The following DOCK10 variants were observed in gnomAD, a reference collection of about 807,000 sequenced individuals.
DOCK10 encodes the protein dedicator of cytokinesis protein 10.
Under a neutral mutation model 280.1 loss-of-function variants are expected in DOCK10, and 145 were observed. The ratio of observed to expected loss-of-function variants is 0.52; its 90% CI spans 0.45 to 0.59. The LOEUF is 0.59. DOCK10 is among the 20% of genes least tolerant of loss of function. The pLI is 0.00. For synonymous variants in DOCK10, 915 were observed against 942.2 expected, an observed-to-expected ratio of 0.97 and a Z score of 0.53; for missense variants, 2,368 against 2,651.7, an observed-to-expected ratio of 0.89 and a Z score of 2.35.
rs1697272614 is a variant in DOCK10 at position 224,858,256 on chromosome 2, T to C, written c.1686-1274A>G. On this transcript the variant is annotated intron_variant, in intron 14 of 55. Coordinates refer to ENST00000258390, the MANE Select transcript of DOCK10 (RefSeq NM_014689.3). The stretch of plus-strand genomic sequence containing the variant: ...TTTGCCCTTATCCACAACTCTGTCA[T>C]GGAAATTGCTCACTTACATTGGACA... 2.0e-5 allele frequency among the ~76,000 whole-genome samples: 3 copies of C among 152,216 alleles called. No individual in the cohort carries two copies. The South Asian group carries it at 6.2e-4, about 32-fold the overall frequency.
intron 30 of DOCK10, among the ~76,000 whole-genome samples, chr2:224,815,896 T>G (rs1694103367): frequency 6.7e-6 from 1 of 149,620 alleles, no homozygotes; most frequent in Non-Finnish European, 1.5e-5. Flanking sequence ...ATTAGCCAGG[T>G]GTGGTGGCAC....
chr2:224,812,925 C>G (rs1693881396), intron 31 of DOCK10, among the ~76,000 whole-genome samples: 1 of 152,034 alleles, frequency 6.6e-6, no homozygotes, highest in Non-Finnish European at 1.5e-5. Context: ...CAATGTTCAT[C>G]AAGGATATTG....
At chr2:224,837,451 G>A (rs1695663541) in intron 25 of DOCK10, among the ~76,000 whole-genome samples, 1 of 152,138 alleles carries the variant, frequency 6.6e-6, no homozygotes, top group Admixed American at 6.5e-5. Flanking sequence ...ATTAACACAG[G>A]AATCTCATGT....
chr2:225,004,180 T>G (rs554511176), intron 1 of DOCK10, among the ~76,000 whole-genome samples: 1 of 152,324 alleles, frequency 6.6e-6, no homozygotes, highest in African/African-American at 2.4e-5. Context: ...TGCAGATGAG[T>G]TAAGCCTTTC....
chr2:224,773,184 G>A lies in DOCK10; in HGVS notation c.6177C>T (p.Leu2059=). Residue 2059 remains leucine, a synonymous_variant, in exon 53 of 56, where the codon CTC becomes CTT. Coordinates refer to ENST00000258390, the MANE Select transcript of DOCK10 (RefSeq NM_014689.3). Reference sequence around the variant, plus strand: ...TCACGCTGACACTTCCTTGCAGTTTGAGCTGCAGTCTGATCATGTCCACTT... The same window carrying A: ...TCACGCTGACACTTCCTTGCAGTTTAAGCTGCAGTCTGATCATGTCCACTT... ...MEEVDMIRLQ[L]KLQGSVSVKV... 1 of 1,613,292 alleles carries A rather than the reference G, an allele frequency of 6.2e-7. No homozygotes were observed. The highest frequency in any genetic ancestry group is 8.5e-7 in the Non-Finnish European group (1 of 1,179,382).
intron 25 of DOCK10, among the ~76,000 whole-genome samples, chr2:224,837,345 A>T (rs956759966): frequency 5.9e-5 from 9 of 152,368 alleles, no homozygotes; most frequent in South Asian, 2.1e-4. Flanking sequence ...AACTGGGAAA[A>T]TGAAATAATG....
Position 225,042,253 on chromosome 2 carries a change from C to G in DOCK10, c.122G>C (p.Arg41Pro), listed in dbSNP as rs938780738. ...GCGCGGAGGACGCGCCGCACTCACC[C>G]GCTGCTGCTGCCGGCTGCTGACTGC... ...AVAVSSRQQQ[R>P]QEKPRLLEPL... The change falls in exon 1 of 56, where the codon CGG becomes CCG. Residue 41 changes from arginine to proline, a missense_variant and splice_region_variant. Arg to Pro is a moderately radical substitution (Grantham distance 103). Transcript: ENST00000258390. This position sits in a 1 kb window ranked among gnomAD's most constrained non-coding sequence, Gnocchi z 5.1. 7.7e-6 allele frequency: 10 copies of G among 1,297,802 alleles called. No homozygotes were observed. In the Admixed American group the frequency reaches 1.6e-4, roughly 20 times the overall value. The allele number at this position is 1,297,802 out of a possible 1,614,324, so 80.4% of individuals were successfully genotyped here.
chr2:225,034,402 A>C (rs1462969293), intron 1 of DOCK10, among the ~76,000 whole-genome samples: 1 of 152,234 alleles, frequency 6.6e-6, no homozygotes, highest in Non-Finnish European at 1.5e-5. Context: ...GAGATTGCAC[A>C]AGTATAGTAC....
chr2:225,035,568 A>ATTT (rs1432961398), intron 1 of DOCK10, among the ~76,000 whole-genome samples: 2 of 57,070 alleles, frequency 3.5e-5, no homozygotes, highest in Non-Finnish European at 8.7e-5. Flanking sequence ...ATATATATAT[A>ATTT]TATATATATA....
At chr2:224,796,494 G>T in intron 43 of DOCK10, 68 bp from the exon 44 acceptor site, 1 of 979,766 alleles carries the variant, frequency 1.0e-6, no homozygotes, top group South Asian at 1.4e-5. Context: ...AAATCCACTG[G>T]GCTGGGTAAA....
intron 3 of DOCK10, among the ~76,000 whole-genome samples, chr2:224,916,357 A>G (rs1342315269): frequency 6.6e-6 from 1 of 152,208 alleles, no homozygotes; most frequent in African/African-American, 2.4e-5. Context: ...CCTGGCCAAC[A>G]TGGCGAAACC....
At chr2:224,887,807 C>G (rs562754346) in intron 4 of DOCK10, among the ~76,000 whole-genome samples, 3 of 152,168 alleles carry the variant, frequency 2.0e-5, no homozygotes, top group African/African-American at 7.2e-5. Context: ...GCAGTAAAAT[C>G]TACTGATTTA....
At chr2:224,931,526 T>C (rs1702375702) in intron 2 of DOCK10, 23 bp downstream of exon 2, 1 of 1,587,908 alleles carries the variant, frequency 6.3e-7, no homozygotes. Flanking sequence ...TGAATCTAAA[T>C]GGCTTGAGAA....
In DOCK10 at chr2:224,856,962, T is replaced by C. The variant is rs769477884; in HGVS notation, c.1706A>G (p.Gln569Arg). The change falls in exon 15 of 56, where the codon CAG becomes CGG. Residue 569 changes from glutamine to arginine, a missense_variant. This residue lies in a region of DOCK10 where 1,209 missense variants were observed against 1,250.9 expected (regional missense o/e 0.97). Transcript: ENST00000258390. ...TCTTGAGTCTCTGTCCACATTTCCC[T>C]GGTTGTCCTTAAATACTGATCTAAA... ...WAVRSVFKDNQGNVDRDSRFS... is the reference protein window; with the variant it reads ...WAVRSVFKDNRGNVDRDSRFS... 1 of 1,611,404 alleles carries C rather than the reference T, an allele frequency of 6.2e-7. No individual in the cohort carries two copies. Among genetic ancestry groups the C allele is most frequent in the East Asian group, 2.2e-5 (1 of 44,768 alleles).
At chr2:224,855,712 CAAGT>C (rs1697083803) in intron 15 of DOCK10, among the ~76,000 whole-genome samples, 1 of 152,148 alleles carries the variant, frequency 6.6e-6, no homozygotes, top group African/African-American at 2.4e-5. Context: ...GTAACAGTCG[CAAGT>C]GTTATCCTTC....
Position 224,786,400 on chromosome 2 carries a change from ATAT to A in DOCK10, c.5655+619_5655+621del, listed in dbSNP as rs1398348075. On this transcript the variant is annotated intron_variant, in intron 50 of 55. Transcript: ENST00000258390. The surrounding 1 kb of genome is among the most constrained non-coding windows in gnomAD (Gnocchi z 4.7). ...TGTTGCTCAGAGACATTCATAATTAATATATAGTATGTTCACTTTCAGGCCAAC... is the reference window on the plus strand; with the variant it reads ...TGTTGCTCAGAGACATTCATAATTAAATAGTATGTTCACTTTCAGGCCAAC... Among the ~76,000 whole-genome samples, 1 of 152,246 alleles carries A rather than the reference ATAT, an allele frequency of 6.6e-6. No individual in the cohort carries two copies. Among genetic ancestry groups the A allele is most frequent in the Non-Finnish European group, 1.5e-5 (1 of 68,042 alleles).
At position 224,938,827 on chromosome 2, in the gene DOCK10, T is replaced by C. The variant is rs189593501; in HGVS notation, c.124-7159A>G. On this transcript the variant is annotated intron_variant, in intron 1 of 55. Coordinates refer to ENST00000258390, the MANE Select transcript of DOCK10 (RefSeq NM_014689.3). ...GTCATGTAACAGATTTAATTTAGCC[T>C]TTCATCAGAGGGAGTTCCCCTGGAG... is the stretch of plus-strand genomic sequence containing the variant. Among the ~76,000 whole-genome samples, 11 of 152,324 alleles carry C rather than the reference T, an allele frequency of 7.2e-5. No individual in the cohort carries two copies. The East Asian group carries it at 2.1e-3, about 29-fold the overall frequency.
At chr2:225,019,949 T>G (rs570802320) in intron 1 of DOCK10, among the ~76,000 whole-genome samples, 1 of 152,294 alleles carries the variant, frequency 6.6e-6, no homozygotes, top group East Asian at 1.9e-4. Flanking sequence ...AATACATGGG[T>G]GTAAATTGCA....
At chr2:224,937,113 T>C (rs1702734069) in intron 1 of DOCK10, among the ~76,000 whole-genome samples, 1 of 152,182 alleles carries the variant, frequency 6.6e-6, no homozygotes. Context: ...AAAATATTTT[T>C]CACCTCTGTA....
Sources: gnomAD v4.1 joint callset for allele counts (sites outside exome capture counted in the v4.1 genomes callset) on GRCh38, gnomAD v4.1.1 for gene constraint, gnomAD v4.1.1 regional missense constraint, Gnocchi (gnomAD v3.1) non-coding constraint, MANE v1.5 for transcripts, NCBI Gene and HGNC (gene_info 2026-07-23, HGNC 2026-07-21) for gene names.